BCAS1: variants seen among roughly 807,000 people sequenced by gnomAD.
BCAS1 encodes the protein breast carcinoma-amplified sequence 1.
In BCAS1, 46 loss-of-function variants were observed where a neutral mutation model predicts 65.4. The observed-to-expected ratio is 0.70, with a 90% CI of 0.55 to 0.90. The LOEUF is 0.90. Among genes scored for constraint, BCAS1 ranks in the 40% least tolerant of loss-of-function variants. The pLI is 0.00. For missense variants in BCAS1, 793 were observed against 771.2 expected (o/e 1.03, Z -0.33); for synonymous variants, 298 against 293.5 (o/e 1.02, Z -0.16).
intron 9 of BCAS1, among the ~76,000 whole-genome samples, chr20:53,972,160 C>T: frequency 6.6e-6 from 1 of 152,108 alleles, no homozygotes; most frequent in Non-Finnish European, 1.5e-5. Flanking sequence ...ACATTTTAGC[C>T]AGAAGTCGTT....
intron 3 of BCAS1, among the ~76,000 whole-genome samples, chr20:54,040,745 GT>G (rs1254166032): frequency 2.6e-5 from 4 of 151,232 alleles, no homozygotes; most frequent in African/African-American, 7.3e-5. Flanking sequence ...TGGTAGGAAT[GT>G]GACATGGTGC....
Position 54,028,893 on chromosome 20 carries a change from A to G in BCAS1, c.222T>C (p.Asp74=), listed in dbSNP as rs367579124. The G allele has an allele frequency of 6.2e-7, 1 of 1,613,750 alleles. No individual in the cohort carries two copies. The highest frequency in any genetic ancestry group is 2.2e-5 in the East Asian group (1 of 44,822). Residue 74 remains aspartate, a synonymous_variant, in exon 4 of 13, where the codon GAT becomes GAC. Transcript: ENST00000688948. ...PETTEISAVA[D]ANGKNLGKEA... ...CTTTCCCAAGATTCTTTCCGTTGGC[A>G]TCCGCAACAGCACTTATCTCCGTTG...
chr20:54,041,910 A>AG, intron 3 of BCAS1, among the ~76,000 whole-genome samples: 1 of 104,746 alleles, frequency 9.5e-6, no homozygotes, highest in East Asian at 3.9e-4. Context: ...TGTCTCCCCC[A>AG]AAAAAAAAAA....
chr20:54,023,840 G>A (rs932390376), intron 4 of BCAS1, among the ~76,000 whole-genome samples: 2 of 152,180 alleles, frequency 1.3e-5, no homozygotes, highest in African/African-American at 4.8e-5. Flanking sequence ...TAGGACTTGT[G>A]CCTTTGGTTA....
chr20:53,951,244 G>A (rs377244543), intron 12 of BCAS1, among the ~76,000 whole-genome samples: 30 of 152,204 alleles, frequency 2.0e-4, no homozygotes, highest in African/African-American at 5.5e-4. Flanking sequence ...AGGCTGAGGC[G>A]GGCGGATCAC....
chr20:54,041,908 CCAAAA>C lies in BCAS1; in HGVS notation c.143-12941_143-12937del, dbSNP rs1385184679. ...AGTTCAGAGTGAGACTCTGTCTCCC[CCAAAA>C]AAAAAAAAAAAAAAAAAAGAACAGC... On this transcript the variant is annotated intron_variant, in intron 3 of 12. Coordinates refer to ENST00000688948, the MANE Select transcript of BCAS1 (RefSeq NM_001366298.2). 2.1e-4 allele frequency among the ~76,000 whole-genome samples: 14 copies of C among 67,364 alleles called. 1 individual carries two copies. The highest frequency in any genetic ancestry group is 9.5e-4 in the East Asian group (2 of 2,106). The allele number at this position is 67,364 out of a possible 152,430, so 44.2% of individuals were successfully genotyped here.
chr20:53,952,983 G>A (rs2089574235), intron 12 of BCAS1, among the ~76,000 whole-genome samples: 1 of 147,394 alleles, frequency 6.8e-6, no homozygotes, highest in Admixed American at 6.8e-5. Context: ...AATAAAATCA[G>A]CCAATAATGC....
At chr20:53,983,175 G>A (rs889423191) in intron 8 of BCAS1, among the ~76,000 whole-genome samples, 9 of 152,116 alleles carry the variant, frequency 5.9e-5, no homozygotes, top group Non-Finnish European at 1.2e-4. Context: ...CATTAAATAA[G>A]CACTTGAGGC....
intron 12 of BCAS1, among the ~76,000 whole-genome samples, chr20:53,950,378 A>G (rs1184691181): frequency 6.6e-6 from 1 of 151,870 alleles, no homozygotes; most frequent in African/African-American, 2.4e-5. Context: ...TTCCTGTCTC[A>G]TCTCAGATGT....
chr20:53,966,112 C>T (rs2090018846), intron 10 of BCAS1, among the ~76,000 whole-genome samples: 1 of 152,186 alleles, frequency 6.6e-6, no homozygotes, highest in Admixed American at 6.5e-5. Flanking sequence ...TTCGATCCAG[C>T]AATCCCACTA....
At chr20:54,012,831 G>A (rs2091351687) in intron 4 of BCAS1, among the ~76,000 whole-genome samples, 1 of 152,052 alleles carries the variant, frequency 6.6e-6, no homozygotes, top group Admixed American at 6.5e-5. Flanking sequence ...TAAATAACTT[G>A]CCTAAGGTCA....
chr20:54,043,128 G>C (rs2092030031), intron 3 of BCAS1, among the ~76,000 whole-genome samples: 1 of 152,224 alleles, frequency 6.6e-6, no homozygotes, highest in South Asian at 2.1e-4. Context: ...ACAGAAAGCT[G>C]CAAAGGGGGC....
At chr20:54,066,054 C>A (rs1486414605) in intron 1 of BCAS1, among the ~76,000 whole-genome samples, 3 of 152,058 alleles carry the variant, frequency 2.0e-5, no homozygotes, top group Non-Finnish European at 4.4e-5. Context: ...TTATCAGAAC[C>A]CGATGAGGCA....
At chr20:53,965,749 G>A in intron 10 of BCAS1, among the ~76,000 whole-genome samples, 1 of 151,948 alleles carries the variant, frequency 6.6e-6, no homozygotes, top group East Asian at 1.9e-4. Context: ...ATATAACTTG[G>A]ACTATTTGAT....
chr20:54,035,467 T>G (rs1034901375), intron 3 of BCAS1, among the ~76,000 whole-genome samples: 3 of 149,370 alleles, frequency 2.0e-5, no homozygotes, highest in African/African-American at 7.3e-5. Context: ...AGCTCAATAT[T>G]ACTAATCATC....
At chr20:53,979,981 G>A (rs566003188) in intron 8 of BCAS1, among the ~76,000 whole-genome samples, 84 of 152,216 alleles carry the variant, frequency 5.5e-4, no homozygotes, top group South Asian at 1.5e-3. Context: ...ATGTATGTTT[G>A]CTACGGAACC....
At chr20:54,015,521 C>T (rs1183561875) in intron 4 of BCAS1, among the ~76,000 whole-genome samples, 3 of 151,860 alleles carry the variant, frequency 2.0e-5, no homozygotes, top group African/African-American at 7.3e-5. Context: ...AAGCCCATGG[C>T]AAAAACAGGG....
intron 3 of BCAS1, 72 bp downstream of exon 3, chr20:54,058,013 T>C (rs1339673367): frequency 7.4e-6 from 8 of 1,087,508 alleles, no homozygotes; most frequent in African/African-American, 4.9e-5. Flanking sequence ...TTTTTTTTTT[T>C]CACCGTAAAC....
intron 4 of BCAS1, 197 bp downstream of exon 4, chr20:54,028,195 T>C (rs1481888620): frequency 1.6e-5 from 10 of 618,204 alleles, no homozygotes; most frequent in South Asian, 4.0e-5. Context: ...ACAGCTGTTA[T>C]TGTTCTTCAC....
Sources: allele counts gnomAD v4.1 joint callset (sites outside exome capture counted in the v4.1 genomes callset), GRCh38; gene constraint gnomAD v4.1.1; transcripts MANE v1.5; gene names NCBI Gene and HGNC (gene_info 2026-07-23, HGNC 2026-07-21).